Variants in DTD1 observed in about 807,000 individuals in gnomAD.
DTD1 encodes D-aminoacyl-tRNA deacylase 1.
Under a neutral mutation model 25.6 loss-of-function variants are expected in DTD1, and 13 were observed. That is an observed-to-expected ratio of 0.51 (90% CI 0.33 to 0.81). The LOEUF (loss-of-function observed/expected upper bound fraction) is 0.81. DTD1 is among the 30% of genes least tolerant of loss of function. The pLI, the probability that DTD1 is intolerant of heterozygous loss-of-function variation, is 0.02. For synonymous variants in DTD1, 110 were observed against 103.6 expected (o/e 1.06, Z -0.37); for missense variants, 193 against 266.4 (o/e 0.72, Z 1.92).
At chr20:18,703,784 G>T (rs1469594727) in intron 4 of DTD1, among the ~76,000 whole-genome samples, 16 of 149,398 alleles carry the variant, frequency 1.1e-4, no homozygotes, top group Non-Finnish European at 2.1e-4. Context: ...ATGTTTTCTT[G>T]ATGTTCTCTG....
chr20:18,606,089 C>CA (rs773365480), intron 3 of DTD1, among the ~76,000 whole-genome samples: 67,193 of 139,076 alleles, frequency 0.48, 16,148 homozygotes, highest in Middle Eastern at 0.53. Flanking sequence ...AAGAAAAAAA[C>CA]AAACAACCCC....
At chr20:18,609,508 A>G (rs1252374768) in intron 3 of DTD1, among the ~76,000 whole-genome samples, 1 of 114,712 alleles carries the variant, frequency 8.7e-6, no homozygotes, top group Non-Finnish European at 2.0e-5. Flanking sequence ...TGGATTAAGC[A>G]AACCCAGATT....
chr20:18,598,920 C>T (rs1256083276), intron 3 of DTD1, among the ~76,000 whole-genome samples: 1 of 152,034 alleles, frequency 6.6e-6, no homozygotes, highest in Non-Finnish European at 1.5e-5. Flanking sequence ...CATAGTTTTA[C>T]CTTTTTTAGA....
At chr20:18,651,798 T>A (rs2060875110) in intron 4 of DTD1, among the ~76,000 whole-genome samples, 2 of 152,184 alleles carry the variant, frequency 1.3e-5, no homozygotes, top group South Asian at 4.1e-4. Flanking sequence ...TCCTTTGGGA[T>A]GCCAAAAGTC....
chr20:18,606,458 G>A (rs2122266272), intron 3 of DTD1, among the ~76,000 whole-genome samples: 1 of 129,200 alleles, frequency 7.7e-6, no homozygotes, highest in Admixed American at 8.1e-5. Context: ...AAATCATGCT[G>A]CTATAAAGAC....
chr20:18,743,729 G>A (rs1186217162), intron 4 of DTD1, among the ~76,000 whole-genome samples: 1 of 151,426 alleles, frequency 6.6e-6, no homozygotes, highest in African/African-American at 2.4e-5. Flanking sequence ...CAAGTAGAAG[G>A]TAACTTGATG....
intron 3 of DTD1, among the ~76,000 whole-genome samples, chr20:18,621,358 G>A (rs1216503279): frequency 1.3e-5 from 2 of 152,098 alleles, no homozygotes. Context: ...ATATGATGTC[G>A]ACATGTCTCA....
chr20:18,703,794 G>A (rs987656105), intron 4 of DTD1, among the ~76,000 whole-genome samples: 15 of 151,084 alleles, frequency 9.9e-5, no homozygotes, highest in Non-Finnish European at 1.5e-5. Context: ...GATGTTCTCT[G>A]AAGATACATA....
At chr20:18,646,895 A>T (rs1347462969) in intron 4 of DTD1, among the ~76,000 whole-genome samples, 1 of 152,228 alleles carries the variant, frequency 6.6e-6, no homozygotes, top group East Asian at 1.9e-4. Flanking sequence ...AGAGGAGGGC[A>T]TGCATGTTAA....
At chr20:18,657,233 A>G (rs555074300) in intron 4 of DTD1, among the ~76,000 whole-genome samples, 1 of 152,346 alleles carries the variant, frequency 6.6e-6, no homozygotes, top group South Asian at 2.1e-4. Context: ...ATGCGCTGAG[A>G]GTGCCTACTT....
At chr20:18,753,724 T>C (rs1447820759) in intron 5 of DTD1, among the ~76,000 whole-genome samples, 1 of 152,064 alleles carries the variant, frequency 6.6e-6, no homozygotes, top group Non-Finnish European at 1.5e-5. Flanking sequence ...GGTTTGTTCC[T>C]ACCACTTTCA....
chr20:18,671,068 G>A (rs1406427791), intron 4 of DTD1, among the ~76,000 whole-genome samples: 1 of 152,182 alleles, frequency 6.6e-6, no homozygotes, highest in Non-Finnish European at 1.5e-5. Flanking sequence ...AGTCCCCACT[G>A]TGCACATGCC....
intron 4 of DTD1, among the ~76,000 whole-genome samples, chr20:18,712,791 C>T (rs905463177): frequency 1.3e-5 from 2 of 152,204 alleles, no homozygotes; most frequent in Admixed American, 6.5e-5. Flanking sequence ...ACGTGGCTCA[C>T]GCAGAACCCA....
At chr20:18,646,709 A>G (rs1478571489) in intron 4 of DTD1, among the ~76,000 whole-genome samples, 1 of 152,146 alleles carries the variant, frequency 6.6e-6, no homozygotes, top group Non-Finnish European at 1.5e-5. Flanking sequence ...TTGGCCATTC[A>G]TAGGTGTGCC....
At chr20:18,697,621 A>G (rs2061083379) in intron 4 of DTD1, among the ~76,000 whole-genome samples, 1 of 152,208 alleles carries the variant, frequency 6.6e-6, no homozygotes, top group Non-Finnish European at 1.5e-5. Flanking sequence ...TTCTCAAAAA[A>G]TTTTGGGTTT....
At chr20:18,754,200 G>C (rs1021615451) in intron 5 of DTD1, among the ~76,000 whole-genome samples, 7 of 152,338 alleles carry the variant, frequency 4.6e-5, no homozygotes, top group African/African-American at 1.4e-4. Flanking sequence ...GTGTCTTTGA[G>C]GGTTTCAGTG....
At chr20:18,632,067 A>G (rs1173699479) in intron 4 of DTD1, 1 of 883,352 alleles carries the variant, frequency 1.1e-6, no homozygotes, top group Admixed American at 6.2e-5. Context: ...ACTGTGTGAG[A>G]TGCTGGACAT....
intron 4 of DTD1, among the ~76,000 whole-genome samples, chr20:18,661,389 T>TTG (rs1274230134): frequency 7.6e-6 from 1 of 131,110 alleles, no homozygotes; most frequent in Non-Finnish European, 1.7e-5. Flanking sequence ...TTTTTTTTTT[T>TTG]GGGACAGAGT....
At chr20:18,617,605 A>G (rs1204001316) in intron 3 of DTD1, among the ~76,000 whole-genome samples, 1 of 152,104 alleles carries the variant, frequency 6.6e-6, no homozygotes, top group Non-Finnish European at 1.5e-5. Context: ...TAGTTCAGAC[A>G]TCAAAATGAT....
Sources: gnomAD v4.1 joint callset for allele counts (sites outside exome capture counted in the v4.1 genomes callset) on GRCh38, gnomAD v4.1.1 for gene constraint, MANE v1.5 for transcripts, NCBI Gene and HGNC (gene_info 2026-07-23, HGNC 2026-07-21) for gene names.